The following PRKCH variants were observed in gnomAD, a reference collection of about 807,000 sequenced individuals.
PRKCH encodes the protein protein kinase C eta.
Under a neutral mutation model 82.5 loss-of-function variants are expected in PRKCH, and 28 were observed. The observed-to-expected ratio is 0.34, with a 90% CI of 0.25 to 0.47. PRKCH has a LOEUF of 0.47. Ranked by LOEUF, PRKCH falls within the 20% of genes least tolerant of loss-of-function variation. The pLI is 1.00. For synonymous variants in PRKCH, 322 were observed against 327.4 expected (o/e 0.98, Z 0.18); for missense variants, 705 against 881.8 (o/e 0.80, Z 2.54).
chr14:61,226,934 G>A (rs567179009), intron 1 of PRKCH, among the ~76,000 whole-genome samples: 1 of 152,020 alleles, frequency 6.6e-6, no homozygotes, highest in East Asian at 1.9e-4. Flanking sequence ...GATCTCCTTG[G>A]CTGCCACTCC....
intron 1 of PRKCH, among the ~76,000 whole-genome samples, chr14:61,203,763 C>G (rs1025373013): frequency 6.6e-6 from 1 of 152,032 alleles, no homozygotes; most frequent in South Asian, 2.1e-4. Context: ...ATCACTTGAT[C>G]CCAGGAGGTT....
At chr14:61,506,381 G>A (rs1055009709) in intron 10 of PRKCH, among the ~76,000 whole-genome samples, 1 of 152,094 alleles carries the variant, frequency 6.6e-6, no homozygotes, top group Non-Finnish European at 1.5e-5. Flanking sequence ...GGGGTTGTGA[G>A]TCCCAGCTCT....
At chr14:61,309,138 C>A (rs2045503475) in intron 1 of PRKCH, among the ~76,000 whole-genome samples, 1 of 151,940 alleles carries the variant, frequency 6.6e-6, no homozygotes, top group African/African-American at 2.4e-5. Context: ...ACAAAATTAG[C>A]TGGGTGTGGT....
At chr14:61,432,576 C>A (rs1280487212) in intron 2 of PRKCH, among the ~76,000 whole-genome samples, 4 of 152,178 alleles carry the variant, frequency 2.6e-5, no homozygotes, top group Admixed American at 6.5e-5. Context: ...TTCAAGCAGT[C>A]CTCCTGCCTT....
chr14:61,380,800 G>GA (rs1291915966), intron 1 of PRKCH, among the ~76,000 whole-genome samples: 1 of 152,128 alleles, frequency 6.6e-6, no homozygotes, highest in Non-Finnish European at 1.5e-5. Flanking sequence ...CCTTGTTAGA[G>GA]AAAAAATAGT....
chr14:61,470,875 C>T (rs1213323828), intron 9 of PRKCH, among the ~76,000 whole-genome samples: 2 of 152,130 alleles, frequency 1.3e-5, no homozygotes, highest in African/African-American at 2.4e-5. Context: ...GTTTTTCCGT[C>T]GCTGTGCAGT....
chr14:61,489,756 G>T (rs753295833), intron 10 of PRKCH, among the ~76,000 whole-genome samples: 1 of 152,230 alleles, frequency 6.6e-6, no homozygotes, highest in Non-Finnish European at 1.5e-5. Context: ...TTTACTCATG[G>T]TGTTGACTTT....
intron 1 of PRKCH, among the ~76,000 whole-genome samples, chr14:61,375,760 C>T (rs1223740647): frequency 1.3e-5 from 2 of 151,898 alleles, no homozygotes; most frequent in Admixed American, 6.6e-5. Flanking sequence ...GATTACAATT[C>T]GAGATGAGAT....
At chr14:61,243,895 G>T (rs566024873) in intron 1 of PRKCH, among the ~76,000 whole-genome samples, 1 of 151,718 alleles carries the variant, frequency 6.6e-6, no homozygotes, top group South Asian at 2.1e-4. Context: ...AGGTTTGCCT[G>T]AGCCCAGGAG....
chr14:61,487,821 C>T lies in PRKCH; in HGVS notation c.1433+2165C>T, dbSNP rs1230625837. ...CAGCCGGGGCAACATAAGGAGACCC[C>T]TATCTCTACAAAAAAAAAAAAACAT... On this transcript the variant is annotated intron_variant, in intron 10 of 13. Transcript: ENST00000332981. Among the ~76,000 whole-genome samples, 11 of 76,980 alleles carry T rather than the reference C, an allele frequency of 1.4e-4. No individual in the cohort carries two copies. In the Admixed American group the frequency reaches 1.7e-3, roughly 12 times the overall value. 50.5% of individuals were successfully genotyped at this position (76,980 alleles called of 152,430 possible).
Position 61,395,596 on chromosome 14 carries a change from T to C in PRKCH, c.427+4308T>C, listed in dbSNP as rs563850546. ...TGGCTGATCCTCAGTCTGTCTCACA[T>C]GGTTGTCTTGAAGGTCAGATGATAT... On this transcript the variant is annotated intron_variant, in intron 2 of 13. Transcript: ENST00000332981. Among the ~76,000 whole-genome samples the C allele has an allele frequency of 6.2e-4, 95 of 152,280 alleles. 1 individual carries two copies. The highest frequency in any genetic ancestry group is 2.1e-3 in the African/African-American group (89 of 41,554).
At chr14:61,380,483 T>C (rs926672483) in intron 1 of PRKCH, among the ~76,000 whole-genome samples, 1 of 152,134 alleles carries the variant, frequency 6.6e-6, no homozygotes, top group Non-Finnish European at 1.5e-5. Flanking sequence ...ATTTGACTTC[T>C]TCAGGAGAAC....
intron 1 of PRKCH, among the ~76,000 whole-genome samples, chr14:61,292,089 G>A (rs1385103803): frequency 1.3e-5 from 2 of 152,090 alleles, no homozygotes; most frequent in Non-Finnish European, 2.9e-5. Flanking sequence ...TATTTTAGAT[G>A]CACCACCTAG....
intron 9 of PRKCH, among the ~76,000 whole-genome samples, chr14:61,474,431 A>G (rs11845017): frequency 0.015 from 2,318 of 152,226 alleles, 63 homozygotes; most frequent in African/African-American, 0.053. Context: ...TCCTTAATTG[A>G]CAGTGGAGAT....
intron 1 of PRKCH, among the ~76,000 whole-genome samples, chr14:61,313,022 A>G (rs1277871261): frequency 1.3e-5 from 2 of 152,220 alleles, no homozygotes; most frequent in South Asian, 4.1e-4. Flanking sequence ...GAGTGTGTAG[A>G]GGTTTTCATA....
At chr14:61,199,769 A>G (rs1420848619) in intron 1 of PRKCH, among the ~76,000 whole-genome samples, 2 of 152,134 alleles carry the variant, frequency 1.3e-5, no homozygotes, top group Non-Finnish European at 2.9e-5. Flanking sequence ...CTATTATTAT[A>G]TCTCCCCCTC....
intron 1 of PRKCH, among the ~76,000 whole-genome samples, chr14:61,234,340 T>C (rs2044770574): frequency 6.6e-6 from 1 of 152,184 alleles, no homozygotes; most frequent in Non-Finnish European, 1.5e-5. Flanking sequence ...TGAGCTGATG[T>C]GGGGAAGAGA....
At chr14:61,438,467 G>A (rs1168316243) in intron 2 of PRKCH, among the ~76,000 whole-genome samples, 1 of 152,214 alleles carries the variant, frequency 6.6e-6, no homozygotes, top group Non-Finnish European at 1.5e-5. Context: ...ATGAGGAGCT[G>A]TGATCCACGC....
rs1293300604 is a variant in PRKCH, at chr14:61,529,910, A to AT, written c.1573-497_1573-496insT. Among the ~76,000 whole-genome samples the AT allele has an allele frequency of 3.6e-3, 488 of 136,238 alleles. 1 individual carries two copies. Among genetic ancestry groups the AT allele is most frequent in the African/African-American group, 0.013 (425 of 32,090 alleles). 89.4% of individuals were successfully genotyped at this position (136,238 alleles called of 152,430 possible). ...CCCTAAAACTTAAAGTATAATAAAA[A>AT]AAAATATATATATATATGTAAACTT... is the stretch of plus-strand genomic sequence containing the variant. On this transcript the variant is annotated intron_variant, in intron 11 of 13. Coordinates refer to ENST00000332981, the MANE Select transcript of PRKCH (RefSeq NM_006255.5).
Sources: gnomAD v4.1 joint callset for allele counts (sites outside exome capture counted in the v4.1 genomes callset) on GRCh38, gnomAD v4.1.1 for gene constraint, MANE v1.5 for transcripts, NCBI Gene and HGNC (gene_info 2026-07-23, HGNC 2026-07-21) for gene names.